The following TUSC3 variants were observed in gnomAD, a reference collection of about 807,000 sequenced individuals.
TUSC3 encodes dolichyl-diphosphooligosaccharide--protein glycosyltransferase subunit TUSC3.
Under a neutral mutation model 44.8 loss-of-function variants are expected in TUSC3, and 45 were observed. The ratio of observed to expected loss-of-function variants is 1.00; its 90% CI spans 0.79 to 1.29. The LOEUF (loss-of-function observed/expected upper bound fraction) is 1.29, where lower values mean the gene tolerates loss of function less well. Among genes scored for constraint, TUSC3 ranks in the 50% most tolerant of loss-of-function variants. The probability of loss-of-function intolerance (pLI) is 0.00; values close to 1 mark genes in which losing one functional copy is unlikely to be tolerated. For synonymous variants in TUSC3, 212 were observed against 152.9 expected (o/e 1.39, Z -2.85); for missense variants, 519 against 437.9 (o/e 1.19, Z -1.65).
the TUSC3 span, among the ~76,000 whole-genome samples, chr8:15,803,367 A>C: frequency 1.3e-5 from 2 of 152,356 alleles, no homozygotes; most frequent in African/African-American, 4.8e-5. Flanking sequence ...ATGATGACAA[A>C]AATCAGTAAC....
chr8:15,497,114 G>A (rs77617736), intron 2 of TUSC3, among the ~76,000 whole-genome samples: 19,077 of 152,136 alleles, frequency 0.13, 1,657 homozygotes, highest in East Asian at 0.34. Context: ...ATGGAGCAAA[G>A]TAAGAGGAAT....
intron 7 of TUSC3, among the ~76,000 whole-genome samples, chr8:15,740,351 C>T (rs1239314032): frequency 6.6e-6 from 1 of 151,984 alleles, no homozygotes; most frequent in Non-Finnish European, 1.5e-5. Context: ...GGAAAAGATG[C>T]ATAAATTTGG....
intron 1 of TUSC3, among the ~76,000 whole-genome samples, chr8:15,482,992 A>G (rs1221989962): frequency 6.7e-6 from 1 of 149,544 alleles, no homozygotes; most frequent in East Asian, 1.9e-4. Flanking sequence ...GAAAAATATC[A>G]AGTCAAAAGA....
intron 3 of TUSC3, among the ~76,000 whole-genome samples, chr8:15,653,151 T>A (rs1343991645): frequency 3.3e-5 from 5 of 152,178 alleles, no homozygotes; most frequent in African/African-American, 1.2e-4. Flanking sequence ...ACCATGCATC[T>A]GATCCTTGGT....
At chr8:15,797,690 A>G in the TUSC3 span, among the ~76,000 whole-genome samples, 2 of 152,196 alleles carry the variant, frequency 1.3e-5, no homozygotes, top group East Asian at 1.9e-4. Context: ...CAGCAACCAT[A>G]CATTGGAGAC....
intron 1 of TUSC3, among the ~76,000 whole-genome samples, chr8:15,604,770 G>A (rs1804446643): frequency 1.3e-5 from 2 of 151,196 alleles, no homozygotes; most frequent in South Asian, 2.1e-4. Flanking sequence ...TTAGGACTGT[G>A]GTATTCTGCA....
chr8:15,532,454 A>C (rs1484288297), intron 2 of TUSC3, among the ~76,000 whole-genome samples: 1 of 152,192 alleles, frequency 6.6e-6, no homozygotes, highest in African/African-American at 2.4e-5. Context: ...CCCTGGAAAG[A>C]CCATAGATCC....
chr8:15,721,424 C>T (rs1008860185), intron 6 of TUSC3, among the ~76,000 whole-genome samples: 1 of 151,792 alleles, frequency 6.6e-6, no homozygotes, highest in African/African-American at 2.4e-5. Flanking sequence ...ATTAATGTTC[C>T]TTGATCAAGT....
At chr8:15,427,865 G>A (rs1445045254) in intron 1 of TUSC3, among the ~76,000 whole-genome samples, 1 of 152,062 alleles carries the variant, frequency 6.6e-6, no homozygotes, top group African/African-American at 2.4e-5. Context: ...TTTTCTTCTG[G>A]TAGTTGTACA....
chr8:15,607,033 T>G (rs999945998), intron 1 of TUSC3, among the ~76,000 whole-genome samples: 2 of 151,294 alleles, frequency 1.3e-5, no homozygotes, highest in African/African-American at 4.9e-5. Flanking sequence ...GATGGTATCT[T>G]ATGTACAGAC....
chr8:15,504,955 ATTCATGTATTTTCTAT>A (rs1226727689), intron 2 of TUSC3, among the ~76,000 whole-genome samples: 3 of 151,886 alleles, frequency 2.0e-5, no homozygotes, highest in Non-Finnish European at 2.9e-5. Flanking sequence ...TCTTTCCGTA[ATTCATGTATTTTCTAT>A]TTCAAATGAG....
intron 6 of TUSC3, 110 bp from the exon 7 acceptor site, chr8:15,730,556 A>C: frequency 9.5e-7 from 1 of 1,050,722 alleles, no homozygotes. Context: ...GTAATAAAAA[A>C]TTAGTAAAAA....
chr8:15,470,981 A>T (rs1426926274), intron 1 of TUSC3, among the ~76,000 whole-genome samples: 4 of 152,182 alleles, frequency 2.6e-5, no homozygotes. Flanking sequence ...GAATGAATGA[A>T]TAAAAATTAT....
intron 2 of TUSC3, among the ~76,000 whole-genome samples, chr8:15,640,172 C>T (rs1000512084): frequency 2.0e-5 from 3 of 152,170 alleles, no homozygotes; most frequent in African/African-American, 7.2e-5. Context: ...ATTTTGCCAC[C>T]TACCATGCAG....
At chr8:15,778,034 T>TG in the TUSC3 span, among the ~76,000 whole-genome samples, 6 of 151,160 alleles carry the variant, frequency 4.0e-5, no homozygotes, top group Admixed American at 4.0e-4. Flanking sequence ...AGTAGGATTG[T>TG]GCTTTCAATC....
At chr8:15,777,144 G>A in the TUSC3 span, among the ~76,000 whole-genome samples, 1 of 152,068 alleles carries the variant, frequency 6.6e-6, no homozygotes, top group African/African-American at 2.4e-5. Flanking sequence ...CTTAGACTCT[G>A]GAGTAGGGTA....
At chr8:15,775,645 T>TATAAC in the TUSC3 span, among the ~76,000 whole-genome samples, 241 of 134,502 alleles carry the variant, frequency 1.8e-3, no homozygotes, top group Non-Finnish European at 2.8e-3. Context: ...TATATATATA[T>TATAAC]ATATACACAC....
chr8:15,573,463 A>T (rs1057033125), intron 1 of TUSC3, among the ~76,000 whole-genome samples: 1 of 151,906 alleles, frequency 6.6e-6, no homozygotes, highest in African/African-American at 2.4e-5. Flanking sequence ...TGCTGAAGAT[A>T]GAAGGAGCCC....
At position 15,635,846 on chromosome 8, in the gene TUSC3, T is replaced by G. The variant is rs549511767; in HGVS notation, c.308+12597T>G. On this transcript the variant is annotated intron_variant, in intron 2 of 10. Coordinates refer to ENST00000503731, the MANE Select transcript of TUSC3 (RefSeq NM_006765.4). Reference sequence around the variant, plus strand: ...TGGTGGTGATCTGGTAAGTGTAGGTTTAATTAGCAGCTTGATTCCAGATGG... The same window carrying G: ...TGGTGGTGATCTGGTAAGTGTAGGTGTAATTAGCAGCTTGATTCCAGATGG... Among the ~76,000 whole-genome samples, 3 of 152,236 alleles carry G rather than the reference T, an allele frequency of 2.0e-5. No individual in the cohort carries two copies. The South Asian group carries it at 6.2e-4, about 32-fold the overall frequency.
Sources: gnomAD v4.1 joint callset for allele counts (sites outside exome capture counted in the v4.1 genomes callset) on GRCh38, gnomAD v4.1.1 for gene constraint, MANE v1.5 for transcripts, NCBI Gene and HGNC (gene_info 2026-07-23, HGNC 2026-07-21) for gene names.